Variants in USP32 observed in about 807,000 individuals in gnomAD.
USP32 encodes ubiquitin specific peptidase 32.
USP32 carries 59 observed loss-of-function variants against 204.8 expected under a neutral mutation model. The observed-to-expected ratio is 0.29, with a 90% CI of 0.23 to 0.36. The LOEUF (loss-of-function observed/expected upper bound fraction) is 0.36. Ranked by LOEUF, USP32 falls within the 10% of genes least tolerant of loss-of-function variation. The probability of loss-of-function intolerance (pLI) is 1.00; values close to 1 mark genes in which losing one functional copy is unlikely to be tolerated. For missense variants in USP32, 1,160 were observed against 1,946.4 expected (o/e 0.60, Z 7.60); for synonymous variants, 517 against 678.4 (o/e 0.76, Z 3.70).
At chr17:60,252,619 C>CT (rs1473728532) in intron 10 of USP32, among the ~76,000 whole-genome samples, 177 bp from the exon 11 acceptor site, 1 of 151,884 alleles carries the variant, frequency 6.6e-6, no homozygotes, top group African/African-American at 2.4e-5. Context: ...GTTTTGTTTG[C>CT]TTTTTTTAAA....
At chr17:60,382,560 T>C (rs899474721) in intron 1 of USP32, among the ~76,000 whole-genome samples, 1 of 152,090 alleles carries the variant, frequency 6.6e-6, no homozygotes, top group African/African-American at 2.4e-5. Context: ...AAAAGAGTCT[T>C]AGACCAAGAA....
intron 2 of USP32, among the ~76,000 whole-genome samples, chr17:60,307,875 A>G (rs918595565): frequency 6.6e-6 from 1 of 152,232 alleles, no homozygotes; most frequent in African/African-American, 2.4e-5. Context: ...TGAGAGGAAC[A>G]TATCAGCAGA....
intron 31 of USP32, 92 bp downstream of exon 31, chr17:60,183,073 A>T: frequency 6.7e-7 from 1 of 1,489,556 alleles, no homozygotes; most frequent in South Asian, 1.4e-5. Flanking sequence ...TTTCCACCCA[A>T]CCAACCTGAT....
At chr17:60,185,892 T>C in intron 29 of USP32, 1 of 403,960 alleles carries the variant, frequency 2.5e-6, no homozygotes. Flanking sequence ...TGAGACCCTG[T>C]CTCTGTAAAA....
chr17:60,301,774 C>A, intron 2 of USP32, 70 bp from the exon 3 acceptor site: 1 of 1,121,336 alleles, frequency 8.9e-7, no homozygotes, highest in Non-Finnish European at 1.3e-6. Context: ...CAGCTATCAT[C>A]TTTAACAAAT....
rs370334080 is a variant in USP32 at position 60,327,280 on chromosome 17, G to A, written c.186+18201C>T. Among the ~76,000 whole-genome samples the A allele has an allele frequency of 1.4e-4, 21 of 152,256 alleles. No individual in the cohort carries two copies. The East Asian group carries it at 2.5e-3, about 18-fold the overall frequency. On this transcript the variant is annotated intron_variant, in intron 2 of 33. Transcript: ENST00000300896. Reference sequence around the variant, plus strand: ...CTTCTGGAGTGGCCGCTGACGTCACGCCAGCTGCAGCAGGGAGACACAGGC... The same window carrying A: ...CTTCTGGAGTGGCCGCTGACGTCACACCAGCTGCAGCAGGGAGACACAGGC...
chr17:60,214,238 G>A (rs949032410), intron 17 of USP32, among the ~76,000 whole-genome samples: 7 of 152,100 alleles, frequency 4.6e-5, no homozygotes, highest in East Asian at 1.9e-4. Context: ...CACTGTGCTC[G>A]GCCACACCAT....
intron 1 of USP32, among the ~76,000 whole-genome samples, chr17:60,362,058 G>A (rs1001177325): frequency 2.6e-5 from 4 of 152,060 alleles, no homozygotes; most frequent in Admixed American, 1.3e-4. Flanking sequence ...AATGGATGGT[G>A]GCTCCATATC....
At chr17:60,232,168 C>CTTTT (rs58707657) in intron 12 of USP32, among the ~76,000 whole-genome samples, 53 of 109,476 alleles carry the variant, frequency 4.8e-4, no homozygotes, top group African/African-American at 7.8e-4. Flanking sequence ...TTTTCTTTTT[C>CTTTT]TTTTTTTTTT....
At chr17:60,381,627 G>A (rs1299760606) in intron 1 of USP32, among the ~76,000 whole-genome samples, 2 of 152,222 alleles carry the variant, frequency 1.3e-5, no homozygotes, top group Middle Eastern at 3.4e-3. Context: ...AGCATGGCAA[G>A]CCCTAGTAGT....
rs146586655 is a variant in USP32, at chr17:60,386,949, C to T, written c.58+4933G>A. On this transcript the variant is annotated intron_variant, in intron 1 of 33. Coordinates refer to ENST00000300896, the MANE Select transcript of USP32 (RefSeq NM_032582.4). The stretch of plus-strand genomic sequence containing the variant: ...TATAAGCAGACTACTTAAAAACTGC[C>T]CCATTTTTCTCCTTTACAAATAGTA... 4.9e-3 allele frequency among the ~76,000 whole-genome samples: 742 copies of T among 152,184 alleles called. 23 individuals carry two copies. Among genetic ancestry groups the T allele is most frequent in the Admixed American group, 0.045 (685 of 15,282 alleles).
chr17:60,356,542 A>T (rs552485507), intron 1 of USP32, among the ~76,000 whole-genome samples: 2 of 152,306 alleles, frequency 1.3e-5, no homozygotes, highest in African/African-American at 4.8e-5. Flanking sequence ...AGGCATTTTT[A>T]AAAGTCTCTG....
At chr17:60,235,961 A>G (rs1176510185) in intron 12 of USP32, among the ~76,000 whole-genome samples, 177 bp downstream of exon 12, 1 of 152,226 alleles carries the variant, frequency 6.6e-6, no homozygotes, top group Non-Finnish European at 1.5e-5. Flanking sequence ...AAGTGTAATC[A>G]CAAAGCCTAG....
In USP32 at chr17:60,278,172, G is replaced by A. The variant is rs1020074976; in HGVS notation, c.572-6691C>T. ...TCCTACCACAGCCTTCCAAAGTGCTGGGATTACAGGCATGAGCTACTGCAC... is the reference window on the plus strand; with the variant it reads ...TCCTACCACAGCCTTCCAAAGTGCTAGGATTACAGGCATGAGCTACTGCAC... On this transcript the variant is annotated intron_variant, in intron 5 of 33. Coordinates refer to ENST00000300896, the MANE Select transcript of USP32 (RefSeq NM_032582.4). 3.9e-4 allele frequency among the ~76,000 whole-genome samples: 60 copies of A among 152,068 alleles called. 1 individual carries two copies. Among genetic ancestry groups the A allele is most frequent in the African/African-American group, 1.4e-3 (58 of 41,480 alleles).
intron 1 of USP32, among the ~76,000 whole-genome samples, chr17:60,363,753 C>T (rs1334078478): frequency 6.6e-6 from 1 of 151,848 alleles, no homozygotes; most frequent in African/African-American, 2.4e-5. Context: ...CCCACCTCAG[C>T]CTCCCAAAAT....
Position 60,361,333 on chromosome 17 carries a change from G to T in USP32, c.59-15725C>A, listed in dbSNP as rs1017827686. 2.6e-5 allele frequency among the ~76,000 whole-genome samples: 4 copies of T among 151,980 alleles called. No homozygotes were observed. The East Asian group carries it at 7.7e-4, about 29-fold the overall frequency. On this transcript the variant is annotated intron_variant, in intron 1 of 33. Transcript: ENST00000300896. The stretch of plus-strand genomic sequence containing the variant: ...ATGTACCCCCACAGAAACTTACAGC[G>T]GTTAGCATATAATACATATTATAAT...
chr17:60,193,580 A>G (rs1348042923), intron 27 of USP32, among the ~76,000 whole-genome samples: 1 of 152,178 alleles, frequency 6.6e-6, no homozygotes, highest in Non-Finnish European at 1.5e-5. Context: ...TTAGATGTAT[A>G]TACAATTCCT....
intron 1 of USP32, among the ~76,000 whole-genome samples, chr17:60,385,766 C>T (rs2089720107): frequency 6.6e-6 from 1 of 150,780 alleles, no homozygotes; most frequent in Non-Finnish European, 1.5e-5. Context: ...AGCTTGAACC[C>T]GGGAGGCAGA....
chr17:60,285,608 A>G (rs1322150653), intron 5 of USP32, among the ~76,000 whole-genome samples: 3 of 152,194 alleles, frequency 2.0e-5, no homozygotes, highest in Non-Finnish European at 4.4e-5. Context: ...TGACATGTAC[A>G]AATAAGCAGA....
Sources: gnomAD v4.1 joint callset for allele counts (sites outside exome capture counted in the v4.1 genomes callset) on GRCh38, gnomAD v4.1.1 for gene constraint, MANE v1.5 for transcripts, NCBI Gene and HGNC (gene_info 2026-07-23, HGNC 2026-07-21) for gene names.